PODXL: variants seen among roughly 807,000 people sequenced by gnomAD.
PODXL encodes podocalyxin like, also known as podocalyxin.
PODXL carries 20 observed loss-of-function variants against 48.9 expected under a neutral mutation model. That is an observed-to-expected ratio of 0.41 (90% CI 0.29 to 0.59). The LOEUF is 0.59. PODXL is among the 20% of genes least tolerant of loss of function. PODXL has a pLI of 0.31. For synonymous variants in PODXL, 295 were observed against 287.4 expected (o/e 1.03, Z -0.27); for missense variants, 606 against 675.1 (o/e 0.90, Z 1.13).
chr7:131,542,190 G>A (rs537288215), intron 1 of PODXL, among the ~76,000 whole-genome samples: 1 of 152,286 alleles, frequency 6.6e-6, no homozygotes, highest in African/African-American at 2.4e-5. Flanking sequence ...TGGAGGAAAG[G>A]AAGGCACCGT....
In PODXL at chr7:131,501,569, TC is replaced by T. The variant is rs1797703830; in HGVS notation, c.*2741del. On this transcript the variant is annotated 3_prime_UTR_variant, in exon 9 of 9. Transcript: ENST00000378555. ...TCCTTCATAAGCTTTGCTGCCTGTCTCCCCACTCTCATGACAGTAGGCTTCC... is the reference window on the plus strand; with the variant it reads ...TCCTTCATAAGCTTTGCTGCCTGTCTCCCACTCTCATGACAGTAGGCTTCC... 1 of 152,222 alleles carries T rather than the reference TC, an allele frequency of 6.6e-6. No homozygotes were observed. Among genetic ancestry groups the T allele is most frequent in the Non-Finnish European group, 1.5e-5 (1 of 68,032 alleles). 9.4% of individuals were successfully genotyped at this position (152,222 alleles called of 1,614,324 possible). A position where few individuals can be genotyped will look rare whatever the true frequency, so the allele number is the denominator to read the frequency against.
At chr7:131,547,780 C>T (rs1798606253) in intron 1 of PODXL, among the ~76,000 whole-genome samples, 1 of 152,222 alleles carries the variant, frequency 6.6e-6, no homozygotes. Flanking sequence ...ACCCCAAGCC[C>T]TCAGTGGCCC....
intron 1 of PODXL, among the ~76,000 whole-genome samples, chr7:131,512,716 G>C (rs564757484): frequency 1.3e-5 from 2 of 152,292 alleles, no homozygotes; most frequent in East Asian, 3.9e-4. Flanking sequence ...GGTGGCTCAT[G>C]CCTTTAATCC....
intron 1 of PODXL, among the ~76,000 whole-genome samples, 161 bp from the exon 2 acceptor site, chr7:131,511,594 G>T (rs1331245149): frequency 6.6e-6 from 1 of 152,134 alleles, no homozygotes; most frequent in South Asian, 2.1e-4. Context: ...GGAGGTTCAA[G>T]AAACCTCTTT....
intron 1 of PODXL, among the ~76,000 whole-genome samples, chr7:131,527,159 C>T (rs571870027): frequency 4.9e-4 from 75 of 152,166 alleles, no homozygotes; most frequent in Admixed American, 1.8e-3. Flanking sequence ...AGCAAGAAAA[C>T]GCAATGTTGA....
At chr7:131,539,476 A>G (rs6467374) in intron 1 of PODXL, among the ~76,000 whole-genome samples, 22,327 of 152,038 alleles carry the variant, frequency 0.15, 1,757 homozygotes, top group South Asian at 0.22. Context: ...GATTACAGGC[A>G]CGCACCACCA....
intron 1 of PODXL, among the ~76,000 whole-genome samples, chr7:131,540,628 C>G (rs1227353183): frequency 1.3e-5 from 2 of 152,192 alleles, no homozygotes; most frequent in Non-Finnish European, 2.9e-5. Flanking sequence ...TGGCACACAA[C>G]TCTTCCCCTA....
chr7:131,556,573 A>C lies in PODXL; in HGVS notation c.-214T>G. The C allele has an allele frequency of 2.2e-6, 1 of 464,230 alleles. No homozygotes were observed. The highest frequency in any genetic ancestry group is 3.3e-6 in the Non-Finnish European group (1 of 301,878). The allele number at this position is 464,230 out of a possible 1,614,324, so 28.8% of individuals were successfully genotyped here. A position where few individuals can be genotyped will look rare whatever the true frequency, so the allele number is the denominator to read the frequency against. On this transcript the variant is annotated 5_prime_UTR_variant, in exon 1 of 9. Coordinates refer to ENST00000378555, the MANE Select transcript of PODXL (RefSeq NM_001018111.3). ...TGGGGCGCAGAGCCAGTGGCAGAGG[A>C]GCGGCGGCGGCGGCGGCTGCGTCCT...
chr7:131,552,025 C>T (rs1331868070), intron 1 of PODXL, among the ~76,000 whole-genome samples: 2 of 152,130 alleles, frequency 1.3e-5, no homozygotes, highest in Non-Finnish European at 2.9e-5. Context: ...ACCAGCCCCA[C>T]AGAAGCCTTA....
chr7:131,548,803 C>T (rs942248660), intron 1 of PODXL, among the ~76,000 whole-genome samples: 7 of 126,696 alleles, frequency 5.5e-5, no homozygotes, highest in African/African-American at 1.9e-4. Flanking sequence ...ACCAGGAATC[C>T]CTGCTCCTTC....
rs960947077 is a variant in PODXL at position 131,502,501 on chromosome 7, GCCCCTCCCCCTA to G, written c.*1798_*1809del. The G allele has an allele frequency of 3.9e-5, 6 of 152,158 alleles. No homozygotes were observed. The highest frequency in any genetic ancestry group is 1.2e-4 in the African/African-American group (5 of 41,388). The allele number at this position is 152,158 out of a possible 1,614,324, so 9.4% of individuals were successfully genotyped here. On this transcript the variant is annotated 3_prime_UTR_variant, in exon 9 of 9. Coordinates refer to ENST00000378555, the MANE Select transcript of PODXL (RefSeq NM_001018111.3). ...GATGGTGCAGGACAGATCTTCCCCA[GCCCCTCCCCCTA>G]CCCTTTTAAAAAGTAAGCCATCCCG...
intron 1 of PODXL, among the ~76,000 whole-genome samples, chr7:131,516,283 G>A (rs1797995012): frequency 6.6e-6 from 1 of 152,266 alleles, no homozygotes; most frequent in Non-Finnish European, 1.5e-5. Context: ...GCTCACGCCT[G>A]TAATCCCAGC....
At chr7:131,512,467 G>A (rs1457952647) in intron 1 of PODXL, among the ~76,000 whole-genome samples, 1 of 152,152 alleles carries the variant, frequency 6.6e-6, no homozygotes, top group Non-Finnish European at 1.5e-5. Context: ...GGATAGCAAG[G>A]AGAATGCTGT....
chr7:131,553,114 G>A (rs1185010839), intron 1 of PODXL, among the ~76,000 whole-genome samples: 2 of 152,088 alleles, frequency 1.3e-5, no homozygotes, highest in Non-Finnish European at 2.9e-5. Context: ...CCAGTTCTGA[G>A]AGCTAATCTC....
At chr7:131,516,736 C>CTTTTT (rs58722955) in intron 1 of PODXL, among the ~76,000 whole-genome samples, 1,564 of 125,572 alleles carry the variant, frequency 0.012, 56 homozygotes, top group Non-Finnish European at 0.016. Flanking sequence ...TTTTTTTTCT[C>CTTTTT]TTTTTTTTTT....
In PODXL at chr7:131,510,227, G is replaced by A. The variant is rs1242849568; in HGVS notation, c.802+9C>T. The A allele has an allele frequency of 2.2e-6, 1 of 447,158 alleles. No individual in the cohort carries two copies. The highest frequency in any genetic ancestry group is 2.4e-5 in the Admixed American group (1 of 41,830). 27.7% of individuals were successfully genotyped at this position (447,158 alleles called of 1,614,324 possible). ...TAAACAGGTATCGGCCGGGCATGGT[G>A]GCTCATACCTGTAATCCCAGCACTT... On this transcript the variant is annotated intron_variant, in intron 3 of 8. Coordinates refer to ENST00000378555, the MANE Select transcript of PODXL (RefSeq NM_001018111.3).
In PODXL at chr7:131,503,864, C is replaced by T. The variant is rs182432936; in HGVS notation, c.*447G>A. On this transcript the variant is annotated 3_prime_UTR_variant, in exon 9 of 9. Transcript: ENST00000378555. ...CACCTGCTGGAGTTTCACCCCTGCC[C>T]GGGACTGCTCTGGACGGAAGGCACA... 75 of 161,030 alleles carry T rather than the reference C, an allele frequency of 4.7e-4. No homozygotes were observed. Among genetic ancestry groups the T allele is most frequent in the African/African-American group, 1.1e-3 (47 of 41,644 alleles). The allele number at this position is 161,030 out of a possible 1,614,324, so 10.0% of individuals were successfully genotyped here.
At chr7:131,519,879 C>G (rs373751814) in intron 1 of PODXL, among the ~76,000 whole-genome samples, 1 of 152,022 alleles carries the variant, frequency 6.6e-6, no homozygotes, top group Non-Finnish European at 1.5e-5. Flanking sequence ...TGTACCACCA[C>G]GCTCAGCTAA....
Position 131,510,924 on chromosome 7 carries a change from A to G in PODXL, c.610T>C (p.Ser204Pro). Residue 204 changes from serine to proline, a missense_variant, in exon 2 of 9, where the codon TCG (serine) becomes CCG (proline). Ser to Pro is a moderately conservative substitution (Grantham distance 74). Coordinates refer to ENST00000378555, the MANE Select transcript of PODXL (RefSeq NM_001018111.3). The stretch of plus-strand genomic sequence containing the variant: ...ATTTTCATAAGATGGTCATGTCCCG[A>G]GCTTGTTGGGGTGGCCACAGGATGC... ...STHPVATPTS[S>P]GHDHLMKISS... 6.2e-7 allele frequency: 1 copy of G among 1,613,964 alleles called. No individual in the cohort carries two copies. Among genetic ancestry groups the G allele is most frequent in the Non-Finnish European group, 8.5e-7 (1 of 1,180,004 alleles).
Sources: gnomAD v4.1 joint callset for allele counts (sites outside exome capture counted in the v4.1 genomes callset) on GRCh38, gnomAD v4.1.1 for gene constraint, MANE v1.5 for transcripts, NCBI Gene and HGNC (gene_info 2026-07-23, HGNC 2026-07-21) for gene names.